CACNA1D: variants seen among roughly 807,000 people sequenced by gnomAD.
CACNA1D encodes the protein calcium voltage-gated channel subunit alpha1 D, also known as voltage-dependent L-type calcium channel subunit alpha-1D.
CACNA1D carries 55 observed loss-of-function variants against 257.1 expected under a neutral mutation model. The observed-to-expected ratio is 0.21, with a 90% CI of 0.17 to 0.27. CACNA1D has a LOEUF of 0.27. Among genes scored for constraint, CACNA1D ranks in the 10% least tolerant of loss-of-function variants. The pLI, the probability that CACNA1D is intolerant of heterozygous loss-of-function variation, is 1.00. For missense variants in CACNA1D, 1,876 were observed against 2,784.0 expected (o/e 0.67, Z 7.34); for synonymous variants, 980 against 1,014.9 (o/e 0.97, Z 0.65).
chr3:53,788,369 C>T (rs2095467169), intron 40 of CACNA1D, among the ~76,000 whole-genome samples: 1 of 152,190 alleles, frequency 6.6e-6, no homozygotes, highest in African/African-American at 2.4e-5. Context: ...GAGGGAATCA[C>T]AGGCTCAGTC....
At chr3:53,521,692 T>C (rs2091582915) in intron 3 of CACNA1D, among the ~76,000 whole-genome samples, 1 of 152,158 alleles carries the variant, frequency 6.6e-6, no homozygotes, top group South Asian at 2.1e-4. Context: ...GGAAGAGTCA[T>C]GTTAGAAATT....
chr3:53,752,173 C>T (rs921502963), intron 28 of CACNA1D, among the ~76,000 whole-genome samples: 23 of 152,168 alleles, frequency 1.5e-4, no homozygotes, highest in African/African-American at 4.8e-4. Flanking sequence ...ATTCTGTAAA[C>T]ATTTACCATG....
intron 8 of CACNA1D, among the ~76,000 whole-genome samples, chr3:53,685,277 A>G (rs1260311882): frequency 1.3e-5 from 2 of 152,222 alleles, no homozygotes; most frequent in African/African-American, 4.8e-5. Context: ...AGACACAATG[A>G]TCCTAAATGT....
At chr3:53,561,859 T>G (rs1274785603) in intron 3 of CACNA1D, among the ~76,000 whole-genome samples, 1 of 152,270 alleles carries the variant, frequency 6.6e-6, no homozygotes, top group Non-Finnish European at 1.5e-5. Context: ...AAATGTTCAT[T>G]GCTTTTTTTG....
intron 3 of CACNA1D, among the ~76,000 whole-genome samples, chr3:53,594,776 T>C (rs895349541): frequency 6.6e-6 from 1 of 152,254 alleles, no homozygotes; most frequent in Non-Finnish European, 1.5e-5. Flanking sequence ...GTTAGTACAA[T>C]TCCACACCCT....
chr3:53,648,549 C>T (rs1299372704), intron 3 of CACNA1D, among the ~76,000 whole-genome samples: 2 of 152,138 alleles, frequency 1.3e-5, no homozygotes, highest in African/African-American at 2.4e-5. Context: ...AGCCACGCCT[C>T]GCATGCCTCC....
chr3:53,791,249 G>C, intron 40 of CACNA1D: 1 of 542,530 alleles, frequency 1.8e-6, no homozygotes, highest in Non-Finnish European at 3.3e-6. Flanking sequence ...TGCTCACGGT[G>C]GTTCTTTTTC....
chr3:53,792,692 T>C (rs1239560542), intron 40 of CACNA1D, among the ~76,000 whole-genome samples: 2 of 152,136 alleles, frequency 1.3e-5, no homozygotes, highest in African/African-American at 4.8e-5. Context: ...GTGGGAAGTA[T>C]GCTTTCTGCA....
At chr3:53,571,233 G>C (rs980234828) in intron 3 of CACNA1D, among the ~76,000 whole-genome samples, 1 of 151,690 alleles carries the variant, frequency 6.6e-6, no homozygotes, top group Non-Finnish European at 1.5e-5. Context: ...AGTTGATGAG[G>C]GCAAGCTTTG....
chr3:53,541,562 C>T (rs2092298273), intron 3 of CACNA1D, among the ~76,000 whole-genome samples: 4 of 152,122 alleles, frequency 2.6e-5, no homozygotes, highest in African/African-American at 7.2e-5. Context: ...GAGGGCTCTC[C>T]GGCTCCTGAG....
intron 25 of CACNA1D, among the ~76,000 whole-genome samples, 181 bp from the exon 26 acceptor site, chr3:53,747,121 G>A (rs2095177365): frequency 6.6e-6 from 1 of 152,232 alleles, no homozygotes; most frequent in Non-Finnish European, 1.5e-5. Context: ...GAGCCGCGAA[G>A]TAGATTAAAT....
chr3:53,537,704 G>A (rs996248969), intron 3 of CACNA1D, among the ~76,000 whole-genome samples: 1 of 152,098 alleles, frequency 6.6e-6, no homozygotes, highest in African/African-American at 2.4e-5. Context: ...CTTGGTTGTT[G>A]TCCTTTAAGT....
chr3:53,747,479 G>C (rs1387587941), intron 26 of CACNA1D, 31 bp downstream of exon 26: 8 of 1,612,526 alleles, frequency 5.0e-6, no homozygotes, highest in Non-Finnish European at 6.8e-6. Flanking sequence ...GTCTTCTGGA[G>C]AGGCACCTGC....
chr3:53,576,510 A>G (rs1041109217), intron 3 of CACNA1D, among the ~76,000 whole-genome samples: 1 of 152,236 alleles, frequency 6.6e-6, no homozygotes, highest in Admixed American at 6.5e-5. Context: ...CATCAGACTA[A>G]TAGTTTTTCC....
intron 2 of CACNA1D, among the ~76,000 whole-genome samples, chr3:53,500,943 A>G (rs2090573889): frequency 6.6e-6 from 1 of 152,224 alleles, no homozygotes; most frequent in South Asian, 2.1e-4. Flanking sequence ...ACAGCATATT[A>G]TAAACTGAGC....
At chr3:53,550,850 A>C (rs947370771) in intron 3 of CACNA1D, among the ~76,000 whole-genome samples, 1 of 152,234 alleles carries the variant, frequency 6.6e-6, no homozygotes, top group Non-Finnish European at 1.5e-5. Context: ...TTTTTCACTT[A>C]AATGAGCAAT....
intron 3 of CACNA1D, among the ~76,000 whole-genome samples, chr3:53,633,715 C>T (rs191294286): frequency 1.3e-5 from 2 of 152,328 alleles, no homozygotes; most frequent in Admixed American, 6.5e-5. Context: ...TCAGAACCCA[C>T]CTATTTGCCC....
At chr3:53,658,152 T>C (rs2094166897) in intron 4 of CACNA1D, among the ~76,000 whole-genome samples, 1 of 151,932 alleles carries the variant, frequency 6.6e-6, no homozygotes, top group Non-Finnish European at 1.5e-5. Flanking sequence ...AGTCAGTTAC[T>C]CCTTTCTCAT....
At chr3:53,652,699 G>C (rs1479354224) in intron 4 of CACNA1D, among the ~76,000 whole-genome samples, 1 of 152,226 alleles carries the variant, frequency 6.6e-6, no homozygotes, top group East Asian at 1.9e-4. Flanking sequence ...CTCTAGAGCA[G>C]GGGCTGGCAA....
Sources: gnomAD v4.1 joint callset for allele counts (sites outside exome capture counted in the v4.1 genomes callset) on GRCh38, gnomAD v4.1.1 for gene constraint, MANE v1.5 for transcripts, NCBI Gene and HGNC (gene_info 2026-07-23, HGNC 2026-07-21) for gene names.